The following RAD9B variants were observed in gnomAD, a reference collection of about 807,000 sequenced individuals.
The protein encoded by RAD9B is RAD9 checkpoint clamp component B, also known as cell cycle checkpoint control protein RAD9B.
RAD9B carries 41 observed loss-of-function variants against 48.3 expected under a neutral mutation model. The observed-to-expected ratio is 0.85, with a 90% CI of 0.66 to 1.10. The LOEUF (loss-of-function observed/expected upper bound fraction) is 1.10. RAD9B is among the 50% of genes least tolerant of loss of function. The probability of loss-of-function intolerance (pLI) is 0.00; values close to 1 mark genes in which losing one functional copy is unlikely to be tolerated. For missense variants in RAD9B, 444 were observed against 485.1 expected, an observed-to-expected ratio of 0.92 and a Z score of 0.80; for synonymous variants, 160 against 157.9, an observed-to-expected ratio of 1.01 and a Z score of -0.10.
In RAD9B at chr12:110,530,839, T is replaced by C; in HGVS notation, c.*186T>C. Reference sequence around the variant, plus strand: ...GAAATAGCTGTTTGTCAAGTGTATGTAACTTGCTTTAAATCCATTATGCTA... The same window carrying C: ...GAAATAGCTGTTTGTCAAGTGTATGCAACTTGCTTTAAATCCATTATGCTA... On this transcript the variant is annotated 3_prime_UTR_variant, in exon 11 of 11. Transcript: ENST00000409300. 1 of 1,368,658 alleles carries C rather than the reference T, an allele frequency of 7.3e-7. No homozygotes were observed. Among genetic ancestry groups the C allele is most frequent in the Non-Finnish European group, 9.4e-7 (1 of 1,060,102 alleles). The allele number at this position is 1,368,658 out of a possible 1,614,324, so 84.8% of individuals were successfully genotyped here. A position where few individuals can be genotyped will look rare whatever the true frequency, so the allele number is the denominator to read the frequency against.
At chr12:110,524,118 C>G (rs981931473) in intron 10 of RAD9B, among the ~76,000 whole-genome samples, 6 of 152,202 alleles carry the variant, frequency 3.9e-5, no homozygotes, top group Non-Finnish European at 7.3e-5. Context: ...AAACCTCTCT[C>G]TTACCACGTA....
intron 3 of RAD9B, among the ~76,000 whole-genome samples, chr12:110,506,241 T>A (rs914489684): frequency 6.7e-6 from 1 of 149,490 alleles, no homozygotes; most frequent in Non-Finnish European, 1.5e-5. Context: ...CAGGCTGGAG[T>A]GCGGTGGCAC....
At chr12:110,519,762 G>C (rs764521842) in intron 8 of RAD9B, 32 bp from the exon 9 acceptor site, 1 of 1,581,308 alleles carries the variant, frequency 6.3e-7, no homozygotes, top group Admixed American at 2.0e-5. Flanking sequence ...CAGAAAATGA[G>C]TGTCACTGTT....
intron 4 of RAD9B, among the ~76,000 whole-genome samples, chr12:110,511,194 A>T (rs1179232349): frequency 1.3e-5 from 2 of 152,168 alleles, no homozygotes; most frequent in African/African-American, 2.4e-5. Context: ...AAAACTAAAA[A>T]TAGAAGTACC....
chr12:110,528,498 T>G (rs2064016555), intron 10 of RAD9B, among the ~76,000 whole-genome samples: 1 of 152,188 alleles, frequency 6.6e-6, no homozygotes, highest in East Asian at 1.9e-4. Flanking sequence ...CAAAGACTCA[T>G]AAGGCCTCAA....
At chr12:110,516,177 T>C (rs936742669) in intron 6 of RAD9B, among the ~76,000 whole-genome samples, 2 of 151,910 alleles carry the variant, frequency 1.3e-5, no homozygotes, top group South Asian at 2.1e-4. Flanking sequence ...CAGTGAGCCA[T>C]GATTGTGCCA....
chr12:110,507,185 C>A (rs1430124888), intron 4 of RAD9B, among the ~76,000 whole-genome samples: 1 of 151,890 alleles, frequency 6.6e-6, no homozygotes, highest in Non-Finnish European at 1.5e-5. Context: ...TCTTACCTGT[C>A]ACTGTAGAAG....
intron 9 of RAD9B, among the ~76,000 whole-genome samples, chr12:110,520,601 T>C (rs183182916): frequency 4.5e-4 from 67 of 148,564 alleles, no homozygotes; most frequent in African/African-American, 1.5e-3. Flanking sequence ...TGCTCAGATA[T>C]AGGGATAGCC....
chr12:110,522,129 T>C (rs1353858154), intron 9 of RAD9B, 48 bp from the exon 10 acceptor site: 1 of 1,217,430 alleles, frequency 8.2e-7, no homozygotes, highest in East Asian at 2.5e-5. Context: ...TATAAAAATA[T>C]ATTTCACAAT....
At position 110,533,490 on chromosome 12, in the gene RAD9B, G is replaced by C. The variant is rs140055874; in HGVS notation, c.*2837G>C. ...CTGCTAACAGTTAAAATTCTGACAT[G>C]GACACGTTTTAGTTGAGAAGTTCAA... On this transcript the variant is annotated 3_prime_UTR_variant, in exon 11 of 11. Coordinates refer to ENST00000409300, the MANE Select transcript of RAD9B (RefSeq NM_001286535.2). 59 of 152,156 alleles carry C rather than the reference G, an allele frequency of 3.9e-4. No individual in the cohort carries two copies. In the East Asian group the frequency reaches 0.01, roughly 27 times the overall value. 9.4% of individuals were successfully genotyped at this position (152,156 alleles called of 1,614,324 possible). A position where few individuals can be genotyped will look rare whatever the true frequency, so the allele number is the denominator to read the frequency against.
In RAD9B at chr12:110,530,834, G is replaced by A; in HGVS notation, c.*181G>A. On this transcript the variant is annotated 3_prime_UTR_variant, in exon 11 of 11. Transcript: ENST00000409300. The stretch of plus-strand genomic sequence containing the variant: ...ATCTAGAAATAGCTGTTTGTCAAGT[G>A]TATGTAACTTGCTTTAAATCCATTA... 7 of 1,378,746 alleles carry A rather than the reference G, an allele frequency of 5.1e-6. No homozygotes were observed. The highest frequency in any genetic ancestry group is 6.6e-6 in the Non-Finnish European group (7 of 1,065,822). 85.4% of individuals were successfully genotyped at this position (1,378,746 alleles called of 1,614,324 possible).
At chr12:110,512,144 C>CACATG (rs1362895733) in intron 4 of RAD9B, among the ~76,000 whole-genome samples, 2 of 141,042 alleles carry the variant, frequency 1.4e-5, no homozygotes, top group Non-Finnish European at 1.6e-5. Flanking sequence ...CGTGCCTGGC[C>CACATG]TTTTTTTTTT....
At chr12:110,512,592 T>C (rs1593062016) in intron 4 of RAD9B, among the ~76,000 whole-genome samples, 187 bp from the exon 5 acceptor site, 1 of 152,350 alleles carries the variant, frequency 6.6e-6, no homozygotes, top group Non-Finnish European at 1.5e-5. Context: ...GTATGACATA[T>C]TGCTTGGTGT....
rs1207859158 is a variant in RAD9B, at chr12:110,505,779, A to G, written c.273+7A>G. ...ATGCAAATTGGGAATGAAGGTAAAT[A>G]TAAGTGGCCCTGGTTTTCTCTTATT... is the stretch of plus-strand genomic sequence containing the variant. On this transcript the variant is annotated splice_region_variant and intron_variant, in intron 3 of 10. Transcript: ENST00000409300. The G allele has an allele frequency of 1.2e-6, 2 of 1,610,372 alleles. No individual in the cohort carries two copies. The highest frequency in any genetic ancestry group is 1.7e-6 in the Non-Finnish European group (2 of 1,178,002).
rs534401733 is a variant in RAD9B at position 110,515,077 on chromosome 12, T to C, written c.516T>C (p.Phe172=). 1.4e-5 allele frequency: 22 copies of C among 1,555,256 alleles called. No homozygotes were observed. In the Admixed American group the frequency reaches 3.9e-4, roughly 28 times the overall value. The change falls in exon 6 of 11, where the codon TTT becomes TTC. Residue 172 remains phenylalanine, a synonymous_variant. Transcript: ENST00000409300. ...PRLLADAIVL[F]TSSQEEVTLA... is the part of the protein sequence containing the mutation. ...TGCTTGCTGATGCCATTGTTCTTTT[T>C]ACATCAAGTCAAGAGGAAGTTACTC...
chr12:110,511,542 A>G, intron 4 of RAD9B: 1 of 442,634 alleles, frequency 2.3e-6, no homozygotes, highest in Non-Finnish European at 4.5e-6. Flanking sequence ...ATGGAGGTAG[A>G]GAGTAGAATG....
chr12:110,510,065 G>A (rs954672719), intron 4 of RAD9B, among the ~76,000 whole-genome samples: 3 of 152,040 alleles, frequency 2.0e-5, no homozygotes, highest in African/African-American at 4.8e-5. Context: ...ATGTCACTTC[G>A]GTGCTCAAAA....
chr12:110,512,723 T>A, intron 4 of RAD9B, 56 bp from the exon 5 acceptor site: 1 of 759,318 alleles, frequency 1.3e-6, no homozygotes, highest in South Asian at 1.6e-5. Context: ...AAAGACTTCT[T>A]TAATTTGTTA....
Position 110,515,142 on chromosome 12 carries a change from A to G in RAD9B, c.581A>G (p.Asn194Ser). The G allele has an allele frequency of 6.5e-7, 1 of 1,529,362 alleles. No homozygotes were observed. The highest frequency in any genetic ancestry group is 8.9e-7 in the Non-Finnish European group (1 of 1,125,360). The allele number at this position is 1,529,362 out of a possible 1,614,324, so 94.7% of individuals were successfully genotyped here. Residue 194 changes from asparagine to serine, a missense_variant, in exon 6 of 11, where the codon AAT becomes AGT. By Grantham distance (46) the Asn-to-Ser change is conservative. Transcript: ENST00000409300. Reference sequence around the variant, plus strand: ...CTGAATTTTTGCCTCAAGAGTTCTAATGAGGAATCAATGGGTAAAGATTGT... The same window carrying G: ...CTGAATTTTTGCCTCAAGAGTTCTAGTGAGGAATCAATGGGTAAAGATTGT... ...TPLNFCLKSS[N>S]EESMDLSNAV...
Sources: allele counts gnomAD v4.1 joint callset (sites outside exome capture counted in the v4.1 genomes callset), GRCh38; gene constraint gnomAD v4.1.1; transcripts MANE v1.5; gene names NCBI Gene and HGNC (gene_info 2026-07-23, HGNC 2026-07-21).